Variants in RIMS2 observed in about 807,000 individuals in gnomAD.
RIMS2 encodes regulating synaptic membrane exocytosis 2.
In RIMS2, 59 loss-of-function variants were observed where a neutral mutation model predicts 174.4. The ratio of observed to expected loss-of-function variants is 0.34; its 90% CI spans 0.27 to 0.42. The LOEUF (loss-of-function observed/expected upper bound fraction) is 0.42, where lower values mean the gene tolerates loss of function less well. Ranked by LOEUF, RIMS2 falls within the 10% of genes least tolerant of loss-of-function variation. The pLI, the probability that RIMS2 is intolerant of heterozygous loss-of-function variation, is 1.00. For missense variants in RIMS2, 1,620 were observed against 1,666.3 expected (o/e 0.97, Z 0.48); for synonymous variants, 606 against 572.5 (o/e 1.06, Z -0.84).
intron 19 of RIMS2, among the ~76,000 whole-genome samples, chr8:104,219,299 A>T (rs1447425972): frequency 6.6e-6 from 1 of 152,202 alleles, no homozygotes. Context: ...TGATTTATGA[A>T]AGTATATGTG....
intron 19 of RIMS2, among the ~76,000 whole-genome samples, chr8:104,219,698 CT>C (rs2099146727): frequency 6.6e-6 from 1 of 152,084 alleles, no homozygotes; most frequent in Admixed American, 6.5e-5. Context: ...TTGTGACTCA[CT>C]TTTTCTCTAT....
rs373950463 is a variant in RIMS2, at chr8:104,014,494, G to T, written c.3225-12G>T. 1.4e-6 allele frequency: 2 copies of T among 1,455,918 alleles called. No individual in the cohort carries two copies. The highest frequency in any genetic ancestry group is 1.9e-6 in the Non-Finnish European group (2 of 1,041,100). The allele number at this position is 1,455,918 out of a possible 1,614,324, so 90.2% of individuals were successfully genotyped here. On this transcript the variant is annotated splice_polypyrimidine_tract_variant and intron_variant, in intron 18 of 23. Coordinates refer to ENST00000504942, the Ensembl canonical transcript of RIMS2. ...ATTATACTGAAAATGAATATTAATGGTGTGTCTTTAGGTCTCATCCTCGTA... is the reference window on the plus strand; with the variant it reads ...ATTATACTGAAAATGAATATTAATGTTGTGTCTTTAGGTCTCATCCTCGTA...
intron 1 of RIMS2, among the ~76,000 whole-genome samples, chr8:103,657,721 G>T (rs2096548136): frequency 6.6e-6 from 1 of 152,178 alleles, no homozygotes; most frequent in Admixed American, 6.5e-5. Context: ...TTTTAATCCA[G>T]TTTCTTTATG....
rs749667623 is a variant in RIMS2, at chr8:103,989,844, G to A, written c.3044+423G>A. On this transcript the variant is annotated intron_variant, in intron 17 of 23. Coordinates refer to ENST00000504942, the Ensembl canonical transcript of RIMS2. ...GAAATTGGTGTGACTTTTCACATAT[G>A]GAAGTATTGAGACGGAGTCTGATTT... Among the ~76,000 whole-genome samples the A allele has an allele frequency of 4.6e-5, 7 of 152,112 alleles. 1 individual carries two copies. The highest frequency in any genetic ancestry group is 1.0e-4 in the Non-Finnish European group (7 of 68,008).
At chr8:103,973,696 A>AT (rs751252070) in intron 15 of RIMS2, among the ~76,000 whole-genome samples, 67 of 152,324 alleles carry the variant, frequency 4.4e-4, no homozygotes, top group Non-Finnish European at 7.9e-4. Context: ...GGAACATGAG[A>AT]TTCTTGGGAT....
intron 19 of RIMS2, among the ~76,000 whole-genome samples, chr8:104,033,308 T>C (rs934291251): frequency 6.6e-6 from 1 of 152,026 alleles, no homozygotes; most frequent in Non-Finnish European, 1.5e-5. Flanking sequence ...TTTTATGTTA[T>C]GATTTATATA....
intron 2 of RIMS2, among the ~76,000 whole-genome samples, chr8:103,703,304 C>T (rs2097188864): frequency 6.6e-6 from 1 of 152,110 alleles, no homozygotes; most frequent in African/African-American, 2.4e-5. Flanking sequence ...GTGGCACAAT[C>T]GTGGCTCACT....
At chr8:103,617,347 C>A (rs942280639) in intron 1 of RIMS2, among the ~76,000 whole-genome samples, 1 of 151,888 alleles carries the variant, frequency 6.6e-6, no homozygotes, top group African/African-American at 2.4e-5. Flanking sequence ...TTATGCCATA[C>A]CCAAAATTCA....
chr8:104,146,130 T>A (rs1247255610), intron 19 of RIMS2, among the ~76,000 whole-genome samples: 1 of 137,022 alleles, frequency 7.3e-6, no homozygotes, highest in Non-Finnish European at 1.5e-5. Context: ...TTTGAGAGGA[T>A]CAGGAGAGAG....
At chr8:103,788,840 C>G (rs1337107974) in intron 3 of RIMS2, among the ~76,000 whole-genome samples, 2 of 152,232 alleles carry the variant, frequency 1.3e-5, no homozygotes, top group Non-Finnish European at 2.9e-5. Flanking sequence ...CTAAGCAAGC[C>G]TGGGCAATGG....
chr8:104,097,943 C>G (rs937431053), intron 19 of RIMS2, among the ~76,000 whole-genome samples: 1 of 152,078 alleles, frequency 6.6e-6, no homozygotes, highest in African/African-American at 2.4e-5. Context: ...AAATTTACCT[C>G]AGAGTTTAAC....
chr8:104,102,408 T>C (rs2097919749), intron 19 of RIMS2, among the ~76,000 whole-genome samples: 1 of 152,190 alleles, frequency 6.6e-6, no homozygotes, highest in Non-Finnish European at 1.5e-5. Context: ...ATTCTAATGC[T>C]TAATTGCCTC....
intron 10 of RIMS2, among the ~76,000 whole-genome samples, chr8:103,924,382 A>G (rs1482433281): frequency 1.3e-5 from 2 of 151,710 alleles, no homozygotes; most frequent in Non-Finnish European, 1.5e-5. Flanking sequence ...GGAAAACATA[A>G]CTAAGATGCT....
intron 19 of RIMS2, among the ~76,000 whole-genome samples, chr8:104,181,833 T>C (rs2098941844): frequency 6.6e-6 from 1 of 151,716 alleles, no homozygotes; most frequent in Non-Finnish European, 1.5e-5. Context: ...TTATAACCAT[T>C]TATTTCTGAA....
At chr8:103,990,659 T>C (rs180725157) in intron 17 of RIMS2, among the ~76,000 whole-genome samples, 8 of 152,142 alleles carry the variant, frequency 5.3e-5, no homozygotes, top group Admixed American at 4.6e-4. Flanking sequence ...AGAGGTATTT[T>C]AGTTGCCTAA....
intron 19 of RIMS2, among the ~76,000 whole-genome samples, chr8:104,079,942 A>C (rs1157125257): frequency 6.6e-6 from 1 of 151,884 alleles, no homozygotes; most frequent in Non-Finnish European, 1.5e-5. Context: ...ATTCTAGAGA[A>C]GGTGAATTTT....
chr8:104,212,749 CAGTA>C (rs2099111025), intron 19 of RIMS2, among the ~76,000 whole-genome samples: 3 of 152,130 alleles, frequency 2.0e-5, no homozygotes, highest in Admixed American at 2.0e-4. Context: ...TAAACCACTT[CAGTA>C]ATTTAGTGCT....
intron 1 of RIMS2, among the ~76,000 whole-genome samples, chr8:103,519,050 C>T (rs1200017150): frequency 6.6e-6 from 1 of 152,120 alleles, no homozygotes; most frequent in African/African-American, 2.4e-5. Flanking sequence ...CCAGCTTCAT[C>T]TTCCACTCCA....
In RIMS2 at chr8:103,862,449, A is replaced by G. The variant is rs1642768739; in HGVS notation, c.699-22849A>G. 3.3e-5 allele frequency among the ~76,000 whole-genome samples: 5 copies of G among 151,942 alleles called. No homozygotes were observed. In the South Asian group the frequency reaches 1.0e-3, roughly 32 times the overall value. ...TCATTTCCCTTGGATTGCTTTGGCT[A>G]TTCAGGCTCTTTTTTGCTTCCATAC... On this transcript the variant is annotated intron_variant, in intron 3 of 23. Coordinates refer to ENST00000504942, the Ensembl canonical transcript of RIMS2.
Sources: allele counts gnomAD v4.1 joint callset (sites outside exome capture counted in the v4.1 genomes callset), GRCh38; gene constraint gnomAD v4.1.1; transcripts MANE v1.5; gene names NCBI Gene and HGNC (gene_info 2026-07-23, HGNC 2026-07-21).